The following VTI1A variants were observed in gnomAD, a reference collection of about 807,000 sequenced individuals.
The protein encoded by VTI1A is vesicle transport through interaction with t-SNAREs 1A, also known as vesicle transport through interaction with t-SNAREs homolog 1A.
A neutral mutation model predicts 34.9 loss-of-function variants in VTI1A; 22 were observed. The ratio of observed to expected loss-of-function variants is 0.63; its 90% CI spans 0.45 to 0.90. The LOEUF (loss-of-function observed/expected upper bound fraction) is 0.90. VTI1A is among the 40% of genes least tolerant of loss of function. VTI1A has a pLI of 0.00. For synonymous variants in VTI1A, 87 were observed against 97.3 expected (o/e 0.89, Z 0.62); for missense variants, 268 against 275.6 (o/e 0.97, Z 0.20).
chr10:112,592,000 C>T (rs1036161334), intron 5 of VTI1A, among the ~76,000 whole-genome samples: 3 of 152,092 alleles, frequency 2.0e-5, no homozygotes, highest in South Asian at 2.1e-4. Flanking sequence ...CCAAATATGT[C>T]GTCTCTGGTC....
intron 3 of VTI1A, among the ~76,000 whole-genome samples, chr10:112,485,479 A>G (rs757590574): frequency 1.6e-4 from 25 of 152,186 alleles, no homozygotes; most frequent in South Asian, 6.2e-4. Flanking sequence ...GTCCTTATTT[A>G]CCTTATCAGT....
chr10:112,693,619 G>A (rs1848682698), intron 7 of VTI1A, among the ~76,000 whole-genome samples: 2 of 152,192 alleles, frequency 1.3e-5, no homozygotes, highest in Non-Finnish European at 2.9e-5. Context: ...CCTTCACCAT[G>A]TAAAATGTAA....
intron 7 of VTI1A, among the ~76,000 whole-genome samples, chr10:112,762,227 A>G (rs1234002925): frequency 2.0e-5 from 3 of 152,160 alleles, no homozygotes; most frequent in Non-Finnish European, 4.4e-5. Context: ...TTGGGCTCAT[A>G]GGGGATGCTA....
At chr10:112,735,650 A>G (rs1277414036) in intron 7 of VTI1A, among the ~76,000 whole-genome samples, 1 of 152,186 alleles carries the variant, frequency 6.6e-6, no homozygotes, top group Non-Finnish European at 1.5e-5. Context: ...TTCATTTTCA[A>G]TATGGGCTTC....
At chr10:112,543,005 A>G (rs1003203339) in intron 5 of VTI1A, among the ~76,000 whole-genome samples, 5 of 151,776 alleles carry the variant, frequency 3.3e-5, no homozygotes, top group Non-Finnish European at 5.9e-5. Context: ...AAGGACATGA[A>G]CTCCTCCTTT....
the VTI1A span, among the ~76,000 whole-genome samples, chr10:112,833,833 G>A: frequency 6.6e-6 from 1 of 152,126 alleles, no homozygotes; most frequent in Non-Finnish European, 1.5e-5. Context: ...CAAAGAAGGA[G>A]TATCCTTAGA....
At chr10:112,545,615 C>A (rs1851048787) in intron 5 of VTI1A, among the ~76,000 whole-genome samples, 1 of 152,182 alleles carries the variant, frequency 6.6e-6, no homozygotes, top group South Asian at 2.1e-4. Context: ...GGGTCCAGAA[C>A]CAGCAACGTT....
chr10:112,747,443 G>T (rs1850937577), intron 7 of VTI1A, among the ~76,000 whole-genome samples: 1 of 152,162 alleles, frequency 6.6e-6, no homozygotes, highest in East Asian at 1.9e-4. Flanking sequence ...GCATTTTACT[G>T]TCCTGAATAC....
chr10:112,538,370 A>C (rs763409128), intron 5 of VTI1A, 40 bp downstream of exon 5: 1 of 1,569,532 alleles, frequency 6.4e-7, no homozygotes, highest in Non-Finnish European at 8.8e-7. Flanking sequence ...TTGCTTATGC[A>C]CAGCAGTCTT....
At chr10:112,631,517 T>C (rs1333413421) in intron 5 of VTI1A, among the ~76,000 whole-genome samples, 2 of 152,216 alleles carry the variant, frequency 1.3e-5, no homozygotes, top group Non-Finnish European at 2.9e-5. Context: ...TCCTACAACA[T>C]GTGACCTTTT....
chr10:112,796,250 A>T (rs1000104940), intron 7 of VTI1A, among the ~76,000 whole-genome samples: 1 of 151,940 alleles, frequency 6.6e-6, no homozygotes, highest in East Asian at 1.9e-4. Context: ...AAATGTTTTT[A>T]AAAAAATTAG....
chr10:112,661,053 T>G (rs1847426860), intron 5 of VTI1A, among the ~76,000 whole-genome samples: 1 of 152,228 alleles, frequency 6.6e-6, no homozygotes, highest in Non-Finnish European at 1.5e-5. Context: ...TGATCTTGCC[T>G]CACTGCAACC....
chr10:112,643,555 T>C (rs1846662643), intron 5 of VTI1A, among the ~76,000 whole-genome samples: 2 of 152,164 alleles, frequency 1.3e-5, no homozygotes, highest in South Asian at 4.1e-4. Flanking sequence ...TTATATCTTA[T>C]GAGTCTGTTA....
the VTI1A span, among the ~76,000 whole-genome samples, chr10:112,844,064 T>C: frequency 1.3e-5 from 2 of 152,056 alleles, no homozygotes; most frequent in Admixed American, 1.3e-4. Context: ...TTATCTGTTT[T>C]AGATATTGTG....
In VTI1A at chr10:112,816,241, TGAC is replaced by T. The variant is rs1853518821; in HGVS notation, c.*859_*861del. 2 of 215,218 alleles carry T rather than the reference TGAC, an allele frequency of 9.3e-6. No individual in the cohort carries two copies. The highest frequency in any genetic ancestry group is 2.3e-5 in the African/African-American group (1 of 44,370). 13.3% of individuals were successfully genotyped at this position (215,218 alleles called of 1,614,324 possible). A position where few individuals can be genotyped will look rare whatever the true frequency, so the allele number is the denominator to read the frequency against. ...GCAGTCCTCATACTTGCAAAAGGTCTGACAAGGTTCTCTCCACATACATTCCAG... is the reference window on the plus strand; with the variant it reads ...GCAGTCCTCATACTTGCAAAAGGTCTAAGGTTCTCTCCACATACATTCCAG... On this transcript the variant is annotated 3_prime_UTR_variant, in exon 8 of 8. Coordinates refer to ENST00000393077, the MANE Select transcript of VTI1A (RefSeq NM_145206.4).
chr10:112,676,079 G>A (rs1020754191), intron 7 of VTI1A, among the ~76,000 whole-genome samples: 36 of 151,994 alleles, frequency 2.4e-4, no homozygotes, highest in African/African-American at 8.7e-4. Context: ...GGGCCTGAGA[G>A]CAAAGACTAA....
At chr10:112,685,731 T>C (rs1294700649) in intron 7 of VTI1A, among the ~76,000 whole-genome samples, 1 of 152,234 alleles carries the variant, frequency 6.6e-6, no homozygotes, top group Non-Finnish European at 1.5e-5. Context: ...GTTTTTTATT[T>C]AGTTACTTTT....
chr10:112,588,305 T>C (rs1312228207), intron 5 of VTI1A, among the ~76,000 whole-genome samples: 1 of 152,110 alleles, frequency 6.6e-6, no homozygotes, highest in Non-Finnish European at 1.5e-5. Context: ...ATTATGAAGT[T>C]TTTTTTTCTC....
rs1404366260 is a variant in VTI1A at position 112,767,632 on chromosome 10, G to GTT, written c.561-47655_561-47654dup. On this transcript the variant is annotated intron_variant, in intron 7 of 7. Coordinates refer to ENST00000393077, the MANE Select transcript of VTI1A (RefSeq NM_145206.4). The surrounding 1 kb of genome is among the most constrained non-coding windows in gnomAD (Gnocchi z 4.0). ...CCTAATGTTAAATGCATTCGTTTGA[G>GTT]TTTTCAACTAAAGGGTCTTTCCTGC... 1.3e-5 allele frequency among the ~76,000 whole-genome samples: 2 copies of GTT among 151,382 alleles called. No individual in the cohort carries two copies. Among genetic ancestry groups the GTT allele is most frequent in the Admixed American group, 6.6e-5 (1 of 15,228 alleles).
Sources: allele counts gnomAD v4.1 joint callset (sites outside exome capture counted in the v4.1 genomes callset), GRCh38; gene constraint gnomAD v4.1.1; non-coding constraint Gnocchi (gnomAD v3.1); transcripts MANE v1.5; gene names NCBI Gene and HGNC (gene_info 2026-07-23, HGNC 2026-07-21).